Variants in PTPRK observed in about 807,000 individuals in gnomAD.
PTPRK encodes the protein receptor-type tyrosine-protein phosphatase kappa.
Under a neutral mutation model 178.0 loss-of-function variants are expected in PTPRK, and 75 were observed. The ratio of observed to expected loss-of-function variants is 0.42; its 90% confidence interval spans 0.35 to 0.51. PTPRK has a LOEUF of 0.51. Among genes scored for constraint, PTPRK ranks in the 20% least tolerant of loss-of-function variants. The probability of loss-of-function intolerance (pLI) is 0.02; values close to 1 mark genes in which losing one functional copy is unlikely to be tolerated. For missense variants in PTPRK, 1,441 were observed against 1,797.8 expected (o/e 0.80, Z 3.59); for synonymous variants, 637 against 620.6 (o/e 1.03, Z -0.39).
chr6:128,082,409 C>A (rs368471427), intron 10 of PTPRK, 28 bp downstream of exon 10: 3 of 1,554,186 alleles, frequency 1.9e-6, no homozygotes, highest in Non-Finnish European at 2.7e-6. Context: ...CATAATCAAT[C>A]CTATTTGTAA....
chr6:128,166,944 T>A (rs1799492110), intron 7 of PTPRK, among the ~76,000 whole-genome samples: 1 of 151,812 alleles, frequency 6.6e-6, no homozygotes, highest in South Asian at 2.1e-4. Flanking sequence ...TTACGTTTTC[T>A]GTTTCCTAGT....
chr6:127,976,550 T>A (rs1466349774), intron 27 of PTPRK, 107 bp downstream of exon 27: 32 of 1,316,096 alleles, frequency 2.4e-5, no homozygotes, highest in Non-Finnish European at 3.2e-5. Flanking sequence ...GTGGATGATA[T>A]AGTGCTTATT....
At chr6:128,249,258 C>G (rs1418397811) in intron 3 of PTPRK, among the ~76,000 whole-genome samples, 1 of 147,914 alleles carries the variant, frequency 6.8e-6, no homozygotes, top group African/African-American at 2.5e-5. Flanking sequence ...ATTGATAACC[C>G]TGAATTTCTA....
intron 3 of PTPRK, among the ~76,000 whole-genome samples, chr6:128,307,514 C>G (rs1270056673): frequency 6.7e-6 from 1 of 148,230 alleles, no homozygotes; most frequent in Non-Finnish European, 1.5e-5. Context: ...GCTTTTTGTC[C>G]AAAGAACTAT....
At chr6:128,417,177 T>C (rs1842947342) in intron 1 of PTPRK, among the ~76,000 whole-genome samples, 1 of 151,986 alleles carries the variant, frequency 6.6e-6, no homozygotes, top group Non-Finnish European at 1.5e-5. Flanking sequence ...GAGCTAACAT[T>C]TACGTTTTCA....
intron 7 of PTPRK, among the ~76,000 whole-genome samples, chr6:128,183,559 G>C (rs1427505514): frequency 6.6e-6 from 1 of 151,984 alleles, no homozygotes; most frequent in African/African-American, 2.4e-5. Context: ...CGATACATCA[G>C]GTAACTGAAT....
At chr6:128,288,329 G>T (rs925750124) in intron 3 of PTPRK, among the ~76,000 whole-genome samples, 62 of 152,106 alleles carry the variant, frequency 4.1e-4, no homozygotes, top group African/African-American at 1.4e-3. Context: ...AGATTTTTTT[G>T]AAGTCTACAT....
chr6:128,018,282 T>C (rs1200297342), intron 13 of PTPRK, among the ~76,000 whole-genome samples: 1 of 152,116 alleles, frequency 6.6e-6, no homozygotes, highest in Non-Finnish European at 1.5e-5. Flanking sequence ...GGTATGCTAC[T>C]TATATAAGAG....
chr6:128,192,444 A>G (rs559503235), intron 6 of PTPRK, among the ~76,000 whole-genome samples: 123 of 152,272 alleles, frequency 8.1e-4, no homozygotes, highest in Non-Finnish European at 1.5e-3. Context: ...TTAGCGCCTG[A>G]CAAAGTTCAA....
chr6:128,181,284 C>T (rs954137402), intron 7 of PTPRK, among the ~76,000 whole-genome samples: 6 of 151,962 alleles, frequency 3.9e-5, no homozygotes, highest in East Asian at 1.9e-4. Flanking sequence ...GCCTCAAATA[C>T]CTTAAAATGG....
Position 128,393,591 on chromosome 6 carries a change from T to A in PTPRK, c.223+3975A>T, listed in dbSNP as rs370716232. 4.6e-5 allele frequency among the ~76,000 whole-genome samples: 7 copies of A among 152,138 alleles called. No homozygotes were observed. The South Asian group carries it at 1.5e-3, about 32-fold the overall frequency. On this transcript the variant is annotated intron_variant, in intron 2 of 29. Coordinates refer to ENST00000368226, the MANE Select transcript of PTPRK (RefSeq NM_002844.4). ...GACACAGTAAAAATGGGTAAGAGAT[T>A]AACGAATGGATAAGCAGACAAAGAA...
chr6:128,123,588 T>C (rs780730417), intron 7 of PTPRK, among the ~76,000 whole-genome samples: 6 of 152,196 alleles, frequency 3.9e-5, no homozygotes, highest in Admixed American at 1.3e-4. Context: ...TCAAAATTAA[T>C]GAACCAATAT....
chr6:128,475,651 A>T (rs1851284913), intron 1 of PTPRK, among the ~76,000 whole-genome samples: 1 of 152,150 alleles, frequency 6.6e-6, no homozygotes, highest in East Asian at 1.9e-4. Context: ...TTCATAAGAA[A>T]CAAGGTTGGG....
chr6:128,146,217 G>A (rs1796462960), intron 7 of PTPRK, among the ~76,000 whole-genome samples: 3 of 152,172 alleles, frequency 2.0e-5, no homozygotes, highest in South Asian at 4.1e-4. Flanking sequence ...CTACAAAGGG[G>A]CATGAAGGAA....
intron 3 of PTPRK, among the ~76,000 whole-genome samples, chr6:128,265,160 C>G (rs950095623): frequency 1.7e-4 from 26 of 151,928 alleles, no homozygotes; most frequent in African/African-American, 6.3e-4. Flanking sequence ...GACAAGCTCA[C>G]TTAAAAGCCA....
chr6:128,252,513 C>T (rs555482620), intron 3 of PTPRK, among the ~76,000 whole-genome samples: 3 of 152,260 alleles, frequency 2.0e-5, no homozygotes, highest in African/African-American at 7.2e-5. Flanking sequence ...AACCCAAAAC[C>T]TGAACTGAGA....
chr6:128,414,366 G>A lies in PTPRK; in HGVS notation c.101-16678C>T, dbSNP rs187874069. 4.6e-5 allele frequency among the ~76,000 whole-genome samples: 7 copies of A among 152,202 alleles called. No homozygotes were observed. In the East Asian group the frequency reaches 1.2e-3, roughly 25 times the overall value. On this transcript the variant is annotated intron_variant, in intron 1 of 29. Transcript: ENST00000368226. ...CATCGCGGGACCCCTTCTTCCTAGT[G>A]CGGCAGTTCTTTCCCTGTTGCACAC...
intron 1 of PTPRK, among the ~76,000 whole-genome samples, chr6:128,456,737 T>C (rs1234480932): frequency 6.6e-6 from 1 of 152,150 alleles, no homozygotes; most frequent in African/African-American, 2.4e-5. Flanking sequence ...TTTCCGGTTT[T>C]TAAGCAAACA....
At chr6:128,267,193 T>C (rs535170906) in intron 3 of PTPRK, among the ~76,000 whole-genome samples, 2 of 152,126 alleles carry the variant, frequency 1.3e-5, no homozygotes, top group Non-Finnish European at 2.9e-5. Flanking sequence ...CTGTGATTTA[T>C]CTACCTGCCA....
Sources: allele counts gnomAD v4.1 joint callset (sites outside exome capture counted in the v4.1 genomes callset), GRCh38; gene constraint gnomAD v4.1.1; transcripts MANE v1.5; gene names NCBI Gene and HGNC (gene_info 2026-07-23, HGNC 2026-07-21).